Variants in MTHFD2L observed in about 807,000 individuals in gnomAD.
MTHFD2L encodes bifunctional methylenetetrahydrofolate dehydrogenase/cyclohydrolase 2, mitochondrial.
In MTHFD2L, 29 loss-of-function variants were observed where a neutral mutation model predicts 34.9. The ratio of observed to expected loss-of-function variants is 0.83; its 90% confidence interval spans 0.62 to 1.13. MTHFD2L has a LOEUF of 1.13. Among genes scored for constraint, MTHFD2L ranks in the 50% most tolerant of loss-of-function variants. The pLI is 0.00. For synonymous variants in MTHFD2L, 167 were observed against 155.7 expected, an observed-to-expected ratio of 1.07 and a Z score of -0.54; for missense variants, 481 against 446.5, an observed-to-expected ratio of 1.08 and a Z score of -0.70.
At chr4:74,196,945 C>CAA (rs571646612) in intron 3 of MTHFD2L, among the ~76,000 whole-genome samples, 4 of 59,332 alleles carry the variant, frequency 6.7e-5, no homozygotes, top group Admixed American at 1.9e-4. Flanking sequence ...GACTCTGTCT[C>CAA]AAAAAAAAAA....
chr4:74,290,998 CTTTTCTTTT>C (rs1748835645), intron 7 of MTHFD2L, among the ~76,000 whole-genome samples: 1 of 46,150 alleles, frequency 2.2e-5, no homozygotes, highest in African/African-American at 6.7e-5. Flanking sequence ...TTTATTTTTC[CTTTTCTTTT>C]TTTTTTTTTT....
At chr4:74,269,841 A>G (rs991630607) in intron 6 of MTHFD2L, among the ~76,000 whole-genome samples, 2 of 152,192 alleles carry the variant, frequency 1.3e-5, no homozygotes, top group Non-Finnish European at 2.9e-5. Flanking sequence ...ACTCTAAGGC[A>G]TAATAGCAGA....
chr4:74,184,477 C>T (rs778618366), intron 3 of MTHFD2L, among the ~76,000 whole-genome samples: 1 of 151,958 alleles, frequency 6.6e-6, no homozygotes, highest in Non-Finnish European at 1.5e-5. Context: ...TAAATAACAA[C>T]CTTAATATCT....
At chr4:74,296,054 C>CATGAGGCAGT (rs1411858391) in intron 7 of MTHFD2L, among the ~76,000 whole-genome samples, 2 of 152,124 alleles carry the variant, frequency 1.3e-5, no homozygotes, top group African/African-American at 4.8e-5. Flanking sequence ...CTAAAAGCTC[C>CATGAGGCAGT]ATGAGGCAGT....
chr4:74,208,221 G>A (rs930880045), intron 5 of MTHFD2L, among the ~76,000 whole-genome samples: 2 of 152,218 alleles, frequency 1.3e-5, no homozygotes, highest in Non-Finnish European at 2.9e-5. Context: ...GTGGAAGACT[G>A]TAGAAAAGAG....
intron 7 of MTHFD2L, among the ~76,000 whole-genome samples, chr4:74,300,049 C>A (rs1750102235): frequency 6.6e-6 from 1 of 152,008 alleles, no homozygotes; most frequent in South Asian, 2.1e-4. Context: ...ACTAAAAATT[C>A]ATAGCTGTTT....
At chr4:74,201,730 C>G (rs1734474509) in intron 5 of MTHFD2L, among the ~76,000 whole-genome samples, 1 of 151,930 alleles carries the variant, frequency 6.6e-6, no homozygotes, top group African/African-American at 2.4e-5. Context: ...GGTCTTAGCA[C>G]TTTAGAAATC....
chr4:74,237,728 A>T (rs1209769362), intron 6 of MTHFD2L, among the ~76,000 whole-genome samples: 1 of 152,168 alleles, frequency 6.6e-6, no homozygotes, highest in Non-Finnish European at 1.5e-5. Flanking sequence ...TCAGCCTTAG[A>T]TTCTCTTTCA....
At chr4:74,191,052 C>T (rs1256045165) in intron 3 of MTHFD2L, among the ~76,000 whole-genome samples, 1 of 152,090 alleles carries the variant, frequency 6.6e-6, no homozygotes, top group Non-Finnish European at 1.5e-5. Context: ...AGGTGCCGGC[C>T]ACCATGCCCA....
intron 6 of MTHFD2L, among the ~76,000 whole-genome samples, chr4:74,248,857 A>C (rs1480984965): frequency 6.6e-6 from 1 of 151,030 alleles, no homozygotes; most frequent in Non-Finnish European, 1.5e-5. Flanking sequence ...AGTTTGTTAT[A>C]ATTTCTGTTC....
chr4:74,161,684 T>C (rs1725504132), intron 1 of MTHFD2L: 1 of 152,206 alleles, frequency 6.6e-6, no homozygotes, highest in South Asian at 2.1e-4. Flanking sequence ...TAGATCTTGT[T>C]AGTTAATCAT....
At chr4:74,179,905 T>C (rs966594017) in intron 3 of MTHFD2L, among the ~76,000 whole-genome samples, 2 of 152,084 alleles carry the variant, frequency 1.3e-5, no homozygotes, top group African/African-American at 4.8e-5. Flanking sequence ...CAGTGAAAAT[T>C]CATCTAGATT....
intron 6 of MTHFD2L, among the ~76,000 whole-genome samples, chr4:74,258,816 A>C (rs1022534921): frequency 3.3e-5 from 5 of 152,216 alleles, no homozygotes; most frequent in African/African-American, 9.6e-5. Context: ...ATCAGTGCAG[A>C]ACAATATTTT....
chr4:74,255,136 C>A (rs1181389474), intron 6 of MTHFD2L, among the ~76,000 whole-genome samples: 2 of 69,186 alleles, frequency 2.9e-5, no homozygotes, highest in Non-Finnish European at 4.8e-5. Flanking sequence ...ACTCCATCTC[C>A]AAAAAAAAAA....
chr4:74,269,740 A>G (rs1265303762), intron 6 of MTHFD2L, among the ~76,000 whole-genome samples: 2 of 152,084 alleles, frequency 1.3e-5, no homozygotes, highest in African/African-American at 4.8e-5. Flanking sequence ...TCAAATCCTC[A>G]CCAGTATGAT....
intron 6 of MTHFD2L, chr4:74,267,951 TACC>T: frequency 1.0e-6 from 1 of 985,270 alleles, no homozygotes; most frequent in Non-Finnish European, 1.2e-6. Flanking sequence ...ACCATCCTGG[TACC>T]ACAAGGAATA....
chr4:74,132,993 TTTTCTTTTA>T (rs1722663079), intron 1 of MTHFD2L, among the ~76,000 whole-genome samples: 1 of 152,202 alleles, frequency 6.6e-6, no homozygotes, highest in Non-Finnish European at 1.5e-5. Context: ...CCTTGAAATA[TTTTCTTTTA>T]GTTAGTACAC....
At chr4:74,260,736 A>G (rs534497634) in intron 6 of MTHFD2L, among the ~76,000 whole-genome samples, 1 of 152,252 alleles carries the variant, frequency 6.6e-6, no homozygotes, top group African/African-American at 2.4e-5. Flanking sequence ...CAAGACAAGG[A>G]CATCAGGAGA....
rs559916389 is a variant in MTHFD2L, at chr4:74,245,151, C to T, written c.805+19757C>T. On this transcript the variant is annotated intron_variant, in intron 6 of 7. Coordinates refer to ENST00000325278, the MANE Select transcript of MTHFD2L (RefSeq NM_001144978.3). ...CAGAGCTTGCAGTGAGCTGAGATCG[C>T]GCCACTGCACTTTAGCCCGGGCAAC... Among the ~76,000 whole-genome samples, 13 of 135,492 alleles carry T rather than the reference C, an allele frequency of 9.6e-5. No individual in the cohort carries two copies. In the South Asian group the frequency reaches 2.0e-3, roughly 21 times the overall value. The allele number at this position is 135,492 out of a possible 152,430, so 88.9% of individuals were successfully genotyped here. A position where few individuals can be genotyped will look rare whatever the true frequency, so the allele number is the denominator to read the frequency against.
Sources: allele counts gnomAD v4.1 joint callset (sites outside exome capture counted in the v4.1 genomes callset), GRCh38; gene constraint gnomAD v4.1.1; transcripts MANE v1.5; gene names NCBI Gene and HGNC (gene_info 2026-07-23, HGNC 2026-07-21).